CNTNAP2: variants seen among roughly 807,000 people sequenced by gnomAD.
CNTNAP2 encodes the protein contactin-associated protein-like 2.
CNTNAP2 carries 98 observed loss-of-function variants against 155.2 expected under a neutral mutation model. That is an observed-to-expected ratio of 0.63 (90% CI 0.54 to 0.75). The LOEUF (loss-of-function observed/expected upper bound fraction) is 0.75, where lower values mean the gene tolerates loss of function less well. Among genes scored for constraint, CNTNAP2 ranks in the 30% least tolerant of loss-of-function variants. The pLI is 0.00. For missense variants in CNTNAP2, 1,727 were observed against 1,688.1 expected (o/e 1.02, Z -0.40); for synonymous variants, 651 against 631.2 (o/e 1.03, Z -0.47).
chr7:147,903,729 C>A lies in CNTNAP2; in HGVS notation c.2255+8C>A. 1 of 1,613,146 alleles carries A rather than the reference C, an allele frequency of 6.2e-7. No individual in the cohort carries two copies. Among genetic ancestry groups the A allele is most frequent in the South Asian group, 1.1e-5 (1 of 90,938 alleles). Reference sequence around the variant, plus strand: ...CGCGGACTACAAGCAATGGTGAGTGCCTGCGGGCAGCACAGCCAGGCTCAC... The same window carrying A: ...CGCGGACTACAAGCAATGGTGAGTGACTGCGGGCAGCACAGCCAGGCTCAC... On this transcript the variant is annotated splice_region_variant and intron_variant, in intron 14 of 23. Coordinates refer to ENST00000361727, the MANE Select transcript of CNTNAP2 (RefSeq NM_014141.6).
chr7:148,311,160 C>T (rs1254476181), intron 21 of CNTNAP2, among the ~76,000 whole-genome samples: 2 of 145,252 alleles, frequency 1.4e-5, no homozygotes, highest in Non-Finnish European at 2.9e-5. Context: ...TGGCAGCTTG[C>T]TGATGTGAAA....
At chr7:147,031,220 G>A (rs1287288622) in intron 3 of CNTNAP2, among the ~76,000 whole-genome samples, 6 of 151,250 alleles carry the variant, frequency 4.0e-5, no homozygotes, top group Admixed American at 3.9e-4. Context: ...TTGACATGAA[G>A]GATAAAGAAA....
At chr7:146,149,784 C>G (rs1584773381) in intron 1 of CNTNAP2, among the ~76,000 whole-genome samples, 1 of 150,284 alleles carries the variant, frequency 6.7e-6, no homozygotes, top group Non-Finnish European at 1.5e-5. Context: ...AAATCTTAAG[C>G]TCAAAAGTTT....
In CNTNAP2 at chr7:146,300,117, T is replaced by G. The variant is rs541680618; in HGVS notation, c.97+183144T>G. On this transcript the variant is annotated intron_variant, in intron 1 of 23. Transcript: ENST00000361727. Reference sequence around the variant, plus strand: ...TATCAAGAAATGAGGTGAAGAGGACTTGGAGTAATTTTGGCTGAGAAAAAT... The same window carrying G: ...TATCAAGAAATGAGGTGAAGAGGACGTGGAGTAATTTTGGCTGAGAAAAAT... Among the ~76,000 whole-genome samples the G allele has an allele frequency of 1.5e-4, 23 of 152,298 alleles. 1 individual carries two copies. The highest frequency in any genetic ancestry group is 1.3e-3 in the Admixed American group (20 of 15,288).
At chr7:148,150,979 C>A (rs1204248318) in intron 17 of CNTNAP2, among the ~76,000 whole-genome samples, 1 of 152,100 alleles carries the variant, frequency 6.6e-6, no homozygotes, top group Non-Finnish European at 1.5e-5. Context: ...CTCAGCCTCC[C>A]AAAGGGCCGG....
intron 1 of CNTNAP2, among the ~76,000 whole-genome samples, chr7:146,202,158 C>A (rs1330916857): frequency 6.6e-6 from 1 of 152,090 alleles, no homozygotes; most frequent in African/African-American, 2.4e-5. Flanking sequence ...ATCATGCCAC[C>A]TTTTTGAGTT....
At chr7:147,858,973 G>A (rs1799090419) in intron 13 of CNTNAP2, among the ~76,000 whole-genome samples, 1 of 152,122 alleles carries the variant, frequency 6.6e-6, no homozygotes, top group Non-Finnish European at 1.5e-5. Context: ...TTCTATATAA[G>A]GCTATGTCAG....
At chr7:148,136,870 G>A (rs1343266886) in intron 16 of CNTNAP2, among the ~76,000 whole-genome samples, 1 of 152,158 alleles carries the variant, frequency 6.6e-6, no homozygotes, top group Non-Finnish European at 1.5e-5. Context: ...TATATGCGCA[G>A]TCTTTAGGGA....
intron 17 of CNTNAP2, among the ~76,000 whole-genome samples, chr7:148,159,647 T>TTG (rs370373137): frequency 1.1e-4 from 16 of 151,980 alleles, no homozygotes; most frequent in Non-Finnish European, 1.8e-4. Flanking sequence ...TGAGGACGTC[T>TTG]TGTGTGTGTG....
At chr7:148,322,499 T>C (rs2116538905) in intron 21 of CNTNAP2, among the ~76,000 whole-genome samples, 1 of 152,338 alleles carries the variant, frequency 6.6e-6, no homozygotes, top group South Asian at 2.1e-4. Context: ...GGATAACTTT[T>C]GTAAGTGGAT....
chr7:146,991,697 A>G (rs1180410788), intron 3 of CNTNAP2, among the ~76,000 whole-genome samples: 1 of 152,184 alleles, frequency 6.6e-6, no homozygotes, highest in South Asian at 2.1e-4. Context: ...GGTGAAGATT[A>G]TTCAATTTTG....
intron 13 of CNTNAP2, among the ~76,000 whole-genome samples, chr7:147,646,768 G>A (rs1192232653): frequency 6.6e-6 from 1 of 152,102 alleles, no homozygotes; most frequent in Non-Finnish European, 1.5e-5. Flanking sequence ...ATGGACCAAA[G>A]CAAGTCACAT....
At chr7:146,166,346 G>A (rs544939944) in intron 1 of CNTNAP2, among the ~76,000 whole-genome samples, 107 of 152,108 alleles carry the variant, frequency 7.0e-4, no homozygotes, top group Non-Finnish European at 1.2e-3. Context: ...GCCCATCTTG[G>A]CATCCCAAAG....
chr7:146,428,573 T>G (rs1796126906), intron 1 of CNTNAP2, among the ~76,000 whole-genome samples: 1 of 152,120 alleles, frequency 6.6e-6, no homozygotes, highest in Non-Finnish European at 1.5e-5. Flanking sequence ...TTATGTTCAT[T>G]GCCCACTTTT....
At chr7:146,203,016 T>C (rs1214242489) in intron 1 of CNTNAP2, among the ~76,000 whole-genome samples, 2 of 85,272 alleles carry the variant, frequency 2.3e-5, no homozygotes, top group East Asian at 4.4e-4. Flanking sequence ...TCTGCAAAAG[T>C]TTTTTGTTCT....
intron 1 of CNTNAP2, among the ~76,000 whole-genome samples, chr7:146,531,878 C>G (rs1486187372): frequency 2.0e-5 from 3 of 151,912 alleles, no homozygotes; most frequent in African/African-American, 7.3e-5. Flanking sequence ...ACTTCTTGAG[C>G]ACATGGGGGA....
chr7:147,146,677 A>AT (rs1282120336), intron 8 of CNTNAP2: 4 of 152,420 alleles, frequency 2.6e-5, no homozygotes, highest in Non-Finnish European at 5.9e-5. Flanking sequence ...TTGTGAACAG[A>AT]TTTTTTATCT....
intron 9 of CNTNAP2, among the ~76,000 whole-genome samples, chr7:147,384,174 C>T (rs1796590180): frequency 1.3e-5 from 2 of 152,208 alleles, no homozygotes; most frequent in Middle Eastern, 6.8e-3. Context: ...GGATAGACAT[C>T]TTAAGTATTC....
chr7:147,392,004 C>G (rs188459461), intron 9 of CNTNAP2, among the ~76,000 whole-genome samples: 19 of 152,140 alleles, frequency 1.2e-4, no homozygotes, highest in African/African-American at 4.1e-4. Context: ...CAGAAGATGC[C>G]CGATGGCTCC....
Sources: allele counts gnomAD v4.1 joint callset (sites outside exome capture counted in the v4.1 genomes callset), GRCh38; gene constraint gnomAD v4.1.1; transcripts MANE v1.5; gene names NCBI Gene and HGNC (gene_info 2026-07-23, HGNC 2026-07-21).